RPS3: variants seen among roughly 807,000 people sequenced by gnomAD.
The protein encoded by RPS3 is small ribosomal subunit protein uS3.
RPS3 carries 2 observed loss-of-function variants against 25.8 expected under a neutral mutation model. The ratio of observed to expected loss-of-function variants is 0.08; its 90% CI spans 0.03 to 0.24. RPS3 has a LOEUF of 0.24. Among genes scored for constraint, RPS3 ranks in the 10% least tolerant of loss-of-function variants. The pLI is 1.00. For missense variants in RPS3, 107 were observed against 307.1 expected (o/e 0.35, Z 4.87); for synonymous variants, 114 against 114.2 (o/e 1.00, Z 0.01).
At chr11:75,410,479 G>C (rs931787079), downstream of RPS3, among the ~76,000 whole-genome samples, 1 of 151,710 alleles carries the variant, frequency 6.6e-6, no homozygotes, top group African/African-American at 2.4e-5. Context: ...ATGGCGGCTG[G>C]GCAGAGACGC....
chr11:75,408,292 C>G (rs978805723), downstream of RPS3, among the ~76,000 whole-genome samples: 3 of 152,086 alleles, frequency 2.0e-5, no homozygotes, highest in Non-Finnish European at 2.9e-5. Flanking sequence ...CACTTGAGCC[C>G]AGAAGTTCCA....
At chr11:75,419,026 G>A (rs1395781643) in intron 6 of RPS3, among the ~76,000 whole-genome samples, 1 of 152,094 alleles carries the variant, frequency 6.6e-6, no homozygotes, top group African/African-American at 2.4e-5. Flanking sequence ...TTTTTAGAGC[G>A]AGCTTCCGGG....
chr11:75,416,458 C>T (rs1240356073), intron 6 of RPS3, among the ~76,000 whole-genome samples: 10 of 125,986 alleles, frequency 7.9e-5, no homozygotes, highest in East Asian at 4.5e-4. Context: ...TTGATTATTT[C>T]TATTTTTTTT....
chr11:75,411,214 G>T (rs1184139696), downstream of RPS3, among the ~76,000 whole-genome samples: 1 of 151,904 alleles, frequency 6.6e-6, no homozygotes, highest in Admixed American at 6.6e-5. Context: ...GTTTCACCAT[G>T]TTGCCCAGTC....
Position 75,405,623 on chromosome 11 carries a change from G to C in RPS3, c.*13G>C. ...CTTTATTTGGTTTCAGGGTCTCCTT[G>C]GCAGCTGTATTCTGGAGTCTGGATG... On this transcript the variant is annotated 3_prime_UTR_variant, in exon 7 of 7. Transcript: ENST00000531188. 2.2e-6 allele frequency: 1 copy of C among 456,008 alleles called. No homozygotes were observed. Among genetic ancestry groups the C allele is most frequent in the Non-Finnish European group, 4.4e-6 (1 of 226,944 alleles). The allele number at this position is 456,008 out of a possible 1,614,324, so 28.2% of individuals were successfully genotyped here. A position where few individuals can be genotyped will look rare whatever the true frequency, so the allele number is the denominator to read the frequency against.
intron 6 of RPS3, among the ~76,000 whole-genome samples, chr11:75,412,687 G>A (rs1948367888): frequency 6.6e-6 from 1 of 152,210 alleles, no homozygotes; most frequent in African/African-American, 2.4e-5. Flanking sequence ...AGGAAAGTTC[G>A]AGAGTCATTT....
In RPS3 at chr11:75,401,766, G is replaced by C. The variant is rs761563522; in HGVS notation, c.255+33G>C. The C allele has an allele frequency of 1.7e-5, 21 of 1,200,678 alleles. No homozygotes were observed. The African/African-American group carries it at 2.9e-4, about 16-fold the overall frequency. 74.4% of individuals were successfully genotyped at this position (1,200,678 alleles called of 1,614,324 possible). A position where few individuals can be genotyped will look rare whatever the true frequency, so the allele number is the denominator to read the frequency against. ...ATTCTGGCATATGCCAGAGGTAATGGCTCTTCAGAATGATACTTCTAAAAA... is the reference window on the plus strand; with the variant it reads ...ATTCTGGCATATGCCAGAGGTAATGCCTCTTCAGAATGATACTTCTAAAAA... On this transcript the variant is annotated intron_variant, in intron 3 of 6. Coordinates refer to ENST00000531188, the MANE Select transcript of RPS3 (RefSeq NM_001005.5).
intron 6 of RPS3, among the ~76,000 whole-genome samples, chr11:75,420,081 G>A (rs1284953489): frequency 6.6e-6 from 1 of 152,170 alleles, no homozygotes; most frequent in East Asian, 1.9e-4. Context: ...ACAAGGGAGC[G>A]AACGGCAAAG....
At chr11:75,420,852 G>A (rs529132553) in intron 6 of RPS3, among the ~76,000 whole-genome samples, 2 of 152,026 alleles carry the variant, frequency 1.3e-5, no homozygotes, top group Non-Finnish European at 2.9e-5. Context: ...CTCGGGTTGA[G>A]GTTATAAGGT....
At chr11:75,402,653 C>G (rs1021596792) in intron 4 of RPS3, 2 of 443,988 alleles carry the variant, frequency 4.5e-6, no homozygotes, top group African/African-American at 2.0e-5. Context: ...GGTGGTCAGT[C>G]CTGTAATGGA....
rs182461343 is a variant in RPS3 at position 75,404,694 on chromosome 11, G to A, written c.561G>A (p.Lys187=). The A allele has an allele frequency of 7.4e-6, 12 of 1,612,512 alleles. No homozygotes were observed. In the Admixed American group the frequency reaches 2.0e-4, roughly 27 times the overall value. The change falls in exon 6 of 7, where the codon AAG becomes AAA. Residue 187 remains lysine, a synonymous_variant. Transcript: ENST00000531188. This position sits in a 1 kb window ranked among gnomAD's most constrained non-coding sequence, Gnocchi z 4.6. ...TAGGTGTGCTGGGCATCAAGGTGAA[G>A]ATCATGCTGCCCTGGGACCCAACTG... The part of the protein sequence containing the change: ...LRQGVLGIKV[K]IMLPWDPTGK...
At chr11:75,418,849 G>C (rs1366081206) in intron 6 of RPS3, among the ~76,000 whole-genome samples, 1 of 152,184 alleles carries the variant, frequency 6.6e-6, no homozygotes, top group African/African-American at 2.4e-5. Context: ...CGAGCAGGGA[G>C]TTCCACTGTG....
At chr11:75,409,004 A>G (rs1389929339), downstream of RPS3, among the ~76,000 whole-genome samples, 1 of 151,844 alleles carries the variant, frequency 6.6e-6, no homozygotes. Flanking sequence ...TTTTTGAGAC[A>G]GGGTCTGGCT....
chr11:75,402,153 A>T, intron 3 of RPS3, 199 bp from the exon 4 acceptor site: 1 of 699,262 alleles, frequency 1.4e-6, no homozygotes, highest in Non-Finnish European at 2.4e-6. Flanking sequence ...CTTGGGCCAC[A>T]CTACTACTGG....
At chr11:75,410,531 CAT>C (rs1948345225), downstream of RPS3, among the ~76,000 whole-genome samples, 1 of 151,950 alleles carries the variant, frequency 6.6e-6, no homozygotes, top group Admixed American at 6.5e-5. Context: ...AGGGGCTCCT[CAT>C]ATCCCAGACG....
rs1948292662 is a variant in RPS3 at position 75,406,696 on chromosome 11, C to T, written c.*1086C>T. The T allele has an allele frequency of 6.6e-6, 1 of 152,120 alleles. No individual in the cohort carries two copies. Among genetic ancestry groups the T allele is most frequent in the Non-Finnish European group, 1.5e-5 (1 of 68,028 alleles). 9.4% of individuals were successfully genotyped at this position (152,120 alleles called of 1,614,324 possible). ...CACTTCTATAGTGACAGAGTTAGCC[C>T]TCTGTCCAAGGGATTTGCATCTGTG... On this transcript the variant is annotated 3_prime_UTR_variant, in exon 7 of 7. Coordinates refer to ENST00000531188, the MANE Select transcript of RPS3 (RefSeq NM_001005.5).
chr11:75,412,488 C>G lies in RPS3; in HGVS notation c.*3+7620C>G, dbSNP rs1234186929. ...AAGGCTATCATTACCTCTCTCTGTTCCTTTCCATTTCAAAATAGGGTTTGG... is the reference window on the plus strand; with the variant it reads ...AAGGCTATCATTACCTCTCTCTGTTGCTTTCCATTTCAAAATAGGGTTTGG... On this transcript the variant is annotated intron_variant, in intron 6 of 6. Coordinates refer to the RPS3 transcript ENST00000527446. 2.0e-5 allele frequency among the ~76,000 whole-genome samples: 3 copies of G among 152,142 alleles called. No homozygotes were observed. The East Asian group carries it at 5.8e-4, about 29-fold the overall frequency.
At chr11:75,402,592 T>TC (rs1303033932) in intron 4 of RPS3, 146 bp downstream of exon 4, 1 of 785,400 alleles carries the variant, frequency 1.3e-6, no homozygotes, top group Non-Finnish European at 1.9e-6. Context: ...AGTCATGCCC[T>TC]CACTGAACTG....
chr11:75,402,153 A>G (rs934778525), intron 3 of RPS3, 199 bp from the exon 4 acceptor site: 35 of 699,144 alleles, frequency 5.0e-5, no homozygotes, highest in Admixed American at 2.7e-4. Context: ...CTTGGGCCAC[A>G]CTACTACTGG....
Sources: allele counts gnomAD v4.1 joint callset (sites outside exome capture counted in the v4.1 genomes callset), GRCh38; gene constraint gnomAD v4.1.1; non-coding constraint Gnocchi (gnomAD v3.1); transcripts MANE v1.5; gene names NCBI Gene and HGNC (gene_info 2026-07-23, HGNC 2026-07-21).